RASGEF1B: variants seen among roughly 807,000 people sequenced by gnomAD.
The protein encoded by RASGEF1B is RasGEF domain family member 1B.
RASGEF1B carries 30 observed loss-of-function variants against 65.7 expected under a neutral mutation model. The ratio of observed to expected loss-of-function variants is 0.46; its 90% CI spans 0.34 to 0.62. The LOEUF is 0.62. Among genes scored for constraint, RASGEF1B ranks in the 20% least tolerant of loss-of-function variants. RASGEF1B has a pLI of 0.01. For synonymous variants in RASGEF1B, 175 were observed against 194.8 expected, an observed-to-expected ratio of 0.90 and a Z score of 0.85; for missense variants, 495 against 580.1, an observed-to-expected ratio of 0.85 and a Z score of 1.51.
At position 81,433,847 on chromosome 4, in the gene RASGEF1B, A is replaced by G. The variant is rs762420844; in HGVS notation, c.1317T>C (p.Ser439=). The part of the protein sequence containing the change: ...LQYLLTVPVF[S]EDALYLASYE... Reference sequence around the variant, plus strand: ...CCTATTGAATGGCCTTACCATCTTCACTGAAGACTGGTACTGTGAGCAGAT... The same window carrying G: ...CCTATTGAATGGCCTTACCATCTTCGCTGAAGACTGGTACTGTGAGCAGAT... Residue 439 remains serine, a synonymous_variant, in exon 12 of 14, where the codon AGT becomes AGC. Coordinates refer to ENST00000264400, the MANE Select transcript of RASGEF1B (RefSeq NM_152545.3). The G allele has an allele frequency of 3.7e-6, 6 of 1,613,956 alleles. No individual in the cohort carries two copies. The South Asian group carries it at 6.6e-5, about 18-fold the overall frequency.
At chr4:81,434,553 T>G in intron 11 of RASGEF1B, 86 bp downstream of exon 11, 1 of 777,568 alleles carries the variant, frequency 1.3e-6, no homozygotes, top group Non-Finnish European at 2.3e-6. Flanking sequence ...AGAATTGGCT[T>G]TGGCTGCCTG....
At chr4:81,453,706 T>A (rs1378675519) in intron 4 of RASGEF1B, 2 of 152,128 alleles carry the variant, frequency 1.3e-5, no homozygotes, top group African/African-American at 2.4e-5. Flanking sequence ...GGAAGGTCTC[T>A]CTGAGGAGAG....
intron 1 of RASGEF1B, among the ~76,000 whole-genome samples, chr4:81,466,643 C>T (rs1330028431): frequency 6.6e-6 from 1 of 151,112 alleles, no homozygotes; most frequent in Non-Finnish European, 1.5e-5. Context: ...CCTGTAGTCC[C>T]AGCTACTGGG....
At chr4:81,441,017 C>T (rs1399548675) in intron 9 of RASGEF1B, 88 bp from the exon 10 acceptor site, 1 of 812,436 alleles carries the variant, frequency 1.2e-6, no homozygotes, top group Non-Finnish European at 2.0e-6. Flanking sequence ...TAGCTATATA[C>T]AAAATTCAAA....
intron 4 of RASGEF1B, chr4:81,450,899 C>T (rs1722235657): frequency 6.6e-6 from 1 of 152,162 alleles, no homozygotes; most frequent in Non-Finnish European, 1.5e-5. Context: ...AATCTACCAA[C>T]TTAAAATGTT....
At chr4:81,454,167 G>C (rs1481033356) in intron 4 of RASGEF1B, 1 of 152,116 alleles carries the variant, frequency 6.6e-6, no homozygotes, top group Non-Finnish European at 1.5e-5. Flanking sequence ...CCTTCTCTCT[G>C]TTCTACCCAG....
chr4:81,437,774 C>T (rs1329859459), intron 10 of RASGEF1B, among the ~76,000 whole-genome samples: 1 of 152,184 alleles, frequency 6.6e-6, no homozygotes, highest in Admixed American at 6.5e-5. Flanking sequence ...TGCCTGCATG[C>T]AAGAAAGAAG....
chr4:81,471,322 G>A (rs1354092977), intron 1 of RASGEF1B: 4 of 152,306 alleles, frequency 2.6e-5, no homozygotes, highest in Admixed American at 6.5e-5. Flanking sequence ...AAGAAGGGAT[G>A]AAAAAAATGA....
chr4:81,439,836 T>C (rs992582865), intron 10 of RASGEF1B, among the ~76,000 whole-genome samples: 7 of 152,214 alleles, frequency 4.6e-5, no homozygotes, highest in Non-Finnish European at 8.8e-5. Context: ...CCTCTGATCT[T>C]ATAAGTTTCT....
chr4:81,440,481 C>A (rs1426974008), intron 10 of RASGEF1B, among the ~76,000 whole-genome samples: 1 of 152,162 alleles, frequency 6.6e-6, no homozygotes, highest in Non-Finnish European at 1.5e-5. Context: ...ATTAAGTCGG[C>A]TACCTTGTGC....
At chr4:81,471,584 A>T (rs1251322212) in intron 1 of RASGEF1B, among the ~76,000 whole-genome samples, 186 bp downstream of exon 1, 3 of 152,012 alleles carry the variant, frequency 2.0e-5, no homozygotes, top group African/African-American at 4.8e-5. Context: ...GTTCGCGCTC[A>T]CTCGCCTCGG....
At chr4:81,454,973 G>A (rs1434096720) in intron 4 of RASGEF1B, 1 of 152,168 alleles carries the variant, frequency 6.6e-6, no homozygotes, top group Non-Finnish European at 1.5e-5. Context: ...AACTAGCTGT[G>A]TCAAACCTTT....
At chr4:81,458,483 C>T (rs1722529131) in intron 2 of RASGEF1B, among the ~76,000 whole-genome samples, 1 of 152,200 alleles carries the variant, frequency 6.6e-6, no homozygotes, top group Non-Finnish European at 1.5e-5. Flanking sequence ...TGGTGAATTA[C>T]TGCGGCAAGC....
At chr4:81,453,945 AC>A (rs1218165936) in intron 4 of RASGEF1B, 1 of 152,236 alleles carries the variant, frequency 6.6e-6, no homozygotes, top group Non-Finnish European at 1.5e-5. Flanking sequence ...AGCTAAAGAA[AC>A]AACATCTCCC....
At chr4:81,438,190 C>G (rs1256949549) in intron 10 of RASGEF1B, among the ~76,000 whole-genome samples, 1 of 152,058 alleles carries the variant, frequency 6.6e-6, no homozygotes, top group Non-Finnish European at 1.5e-5. Flanking sequence ...AACCTGGAGA[C>G]ACAGGTACCT....
intron 10 of RASGEF1B, among the ~76,000 whole-genome samples, chr4:81,439,642 G>A (rs1490601828): frequency 2.6e-5 from 4 of 152,194 alleles, no homozygotes; most frequent in South Asian, 2.1e-4. Flanking sequence ...CCCTTCAGTG[G>A]GCTTACTTAC....
At chr4:81,457,296 C>T (rs1352589914) in intron 3 of RASGEF1B, among the ~76,000 whole-genome samples, 1 of 152,210 alleles carries the variant, frequency 6.6e-6, no homozygotes, top group Non-Finnish European at 1.5e-5. Context: ...GGATTACAGG[C>T]GTGAGCCAGT....
rs77853436 is a variant in RASGEF1B, at chr4:81,467,491, T to C, written c.-7+4279A>G. ...CTGTGTGGGAACTGAACCCAGGACATATTGAATGTAAAGAATGTAATGCAT... is the reference window on the plus strand; with the variant it reads ...CTGTGTGGGAACTGAACCCAGGACACATTGAATGTAAAGAATGTAATGCAT... On this transcript the variant is annotated intron_variant, in intron 1 of 13. Transcript: ENST00000264400. Among the ~76,000 whole-genome samples the C allele has an allele frequency of 8.5e-3, 1,300 of 152,334 alleles. 10 individuals are homozygous for C. Among genetic ancestry groups the C allele is most frequent in the African/African-American group, 0.027 (1,119 of 41,574 alleles).
intron 6 of RASGEF1B, among the ~76,000 whole-genome samples, chr4:81,447,255 G>A (rs1019212374): frequency 3.3e-5 from 5 of 152,024 alleles, no homozygotes; most frequent in African/African-American, 1.2e-4. Flanking sequence ...TGCTGTAAAG[G>A]TCTTACTAAA....
Sources: gnomAD v4.1 joint callset for allele counts (sites outside exome capture counted in the v4.1 genomes callset) on GRCh38, gnomAD v4.1.1 for gene constraint, MANE v1.5 for transcripts, NCBI Gene and HGNC (gene_info 2026-07-23, HGNC 2026-07-21) for gene names.